ZNF438: variants seen among roughly 807,000 people sequenced by gnomAD.
ZNF438 encodes the protein zinc finger protein 438.
In ZNF438, 25 loss-of-function variants were observed where a neutral mutation model predicts 38.0. That is an observed-to-expected ratio of 0.66 (90% CI 0.48 to 0.92). The LOEUF (loss-of-function observed/expected upper bound fraction) is 0.92, where lower values mean the gene tolerates loss of function less well. ZNF438 is among the 40% of genes least tolerant of loss of function. The pLI, the probability that ZNF438 is intolerant of heterozygous loss-of-function variation, is 0.00. For missense variants in ZNF438, 1,007 were observed against 999.6 expected, an observed-to-expected ratio of 1.01 and a Z score of -0.10; for synonymous variants, 372 against 364.1, an observed-to-expected ratio of 1.02 and a Z score of -0.25.
At chr10:30,959,691 T>C (rs569012585) in intron 1 of ZNF438, among the ~76,000 whole-genome samples, 11 of 146,098 alleles carry the variant, frequency 7.5e-5, no homozygotes, top group Non-Finnish European at 1.6e-4. Flanking sequence ...GAGCTTGTAA[T>C]GAGCCGAGAT....
chr10:30,900,175 C>G (rs2041819288), intron 3 of ZNF438, among the ~76,000 whole-genome samples: 1 of 152,074 alleles, frequency 6.6e-6, no homozygotes, highest in Non-Finnish European at 1.5e-5. Flanking sequence ...TGTATGGATA[C>G]TGAAACTAAA....
At chr10:30,965,942 A>C (rs1399768187) in intron 1 of ZNF438, among the ~76,000 whole-genome samples, 1 of 152,236 alleles carries the variant, frequency 6.6e-6, no homozygotes, top group African/African-American at 2.4e-5. Flanking sequence ...ATTTTTAAAA[A>C]TACAAAGATG....
intron 3 of ZNF438, among the ~76,000 whole-genome samples, chr10:30,889,456 G>C (rs1466680817): frequency 6.6e-6 from 1 of 152,052 alleles, no homozygotes; most frequent in Admixed American, 6.5e-5. Flanking sequence ...TGTCACCCTG[G>C]ATGGAGTGGC....
chr10:30,952,149 G>A (rs958023139), intron 1 of ZNF438, among the ~76,000 whole-genome samples: 1 of 151,690 alleles, frequency 6.6e-6, no homozygotes, highest in Non-Finnish European at 1.5e-5. Flanking sequence ...AAGCAATGGG[G>A]AAAGGATTCC....
chr10:30,906,254 G>T (rs2042571045), intron 3 of ZNF438, among the ~76,000 whole-genome samples: 1 of 151,996 alleles, frequency 6.6e-6, no homozygotes, highest in Non-Finnish European at 1.5e-5. Context: ...GTAGTTTTTG[G>T]TGTGCAAGTC....
intron 1 of ZNF438, among the ~76,000 whole-genome samples, chr10:30,955,588 C>A (rs992539233): frequency 6.6e-6 from 1 of 152,180 alleles, no homozygotes; most frequent in Non-Finnish European, 1.5e-5. Flanking sequence ...TGCCCAGGCA[C>A]CCTGTATATA....
At chr10:30,928,301 T>C (rs2045206388) in intron 2 of ZNF438, among the ~76,000 whole-genome samples, 1 of 152,182 alleles carries the variant, frequency 6.6e-6, no homozygotes, top group South Asian at 2.1e-4. Context: ...AAAATAATAT[T>C]TTTTCTAGTA....
At chr10:30,941,102 C>T (rs897039265) in intron 2 of ZNF438, among the ~76,000 whole-genome samples, 10 of 122,582 alleles carry the variant, frequency 8.2e-5, no homozygotes, top group African/African-American at 2.6e-4. Context: ...CATGGAGTCT[C>T]GTTCTGTTGC....
intron 1 of ZNF438, among the ~76,000 whole-genome samples, chr10:31,002,300 G>A (rs1236731283): frequency 6.6e-6 from 1 of 152,114 alleles, no homozygotes; most frequent in East Asian, 1.9e-4. Flanking sequence ...GTTTACTTAT[G>A]TATTAAAACT....
At chr10:30,954,795 G>A (rs1480532575) in intron 1 of ZNF438, among the ~76,000 whole-genome samples, 1 of 152,122 alleles carries the variant, frequency 6.6e-6, no homozygotes, top group Non-Finnish European at 1.5e-5. Flanking sequence ...CACTGAAAGG[G>A]ACAGAGATAG....
intron 4 of ZNF438, among the ~76,000 whole-genome samples, chr10:30,851,229 G>A (rs184620057): frequency 1.8e-4 from 27 of 152,280 alleles, no homozygotes; most frequent in African/African-American, 5.3e-4. Flanking sequence ...TGACTGATAG[G>A]GTAACACTTC....
At chr10:30,886,034 T>C (rs1044094075) in intron 3 of ZNF438, among the ~76,000 whole-genome samples, 1 of 152,156 alleles carries the variant, frequency 6.6e-6, no homozygotes, top group Non-Finnish European at 1.5e-5. Context: ...AAGAAAGAGC[T>C]TTCTCATGAT....
At chr10:31,001,740 C>A (rs1032247039) in intron 1 of ZNF438, among the ~76,000 whole-genome samples, 3 of 152,128 alleles carry the variant, frequency 2.0e-5, no homozygotes, top group African/African-American at 7.2e-5. Context: ...TTCCATCACC[C>A]TAACATATTG....
intron 1 of ZNF438, among the ~76,000 whole-genome samples, chr10:30,986,834 T>A (rs1313592786): frequency 6.6e-6 from 1 of 152,176 alleles, no homozygotes; most frequent in Non-Finnish European, 1.5e-5. Flanking sequence ...ATGCTCAATC[T>A]GTAGTAAGCA....
At chr10:30,855,427 GA>G in intron 4 of ZNF438, among the ~76,000 whole-genome samples, 1 of 152,324 alleles carries the variant, frequency 6.6e-6, no homozygotes, top group South Asian at 2.1e-4. Context: ...TTTGTGGGGT[GA>G]AAAGATAAGG....
intron 1 of ZNF438, among the ~76,000 whole-genome samples, chr10:30,944,388 T>G (rs1305005045): frequency 6.6e-6 from 1 of 152,204 alleles, no homozygotes; most frequent in Non-Finnish European, 1.5e-5. Flanking sequence ...TAAGTCTACT[T>G]CTTAAAGAGT....
At chr10:31,001,095 G>A (rs996200647) in intron 1 of ZNF438, among the ~76,000 whole-genome samples, 16 of 152,020 alleles carry the variant, frequency 1.1e-4, no homozygotes, top group Non-Finnish European at 2.2e-4. Context: ...ATTACAACAC[G>A]ATTACAACAC....
chr10:30,953,632 A>G (rs551459593), intron 1 of ZNF438, among the ~76,000 whole-genome samples: 1 of 138,284 alleles, frequency 7.2e-6, no homozygotes, highest in East Asian at 2.0e-4. Context: ...AACTTAAAAT[A>G]TAATAATAAA....
intron 3 of ZNF438, among the ~76,000 whole-genome samples, chr10:30,878,332 A>G (rs1487320036): frequency 1.3e-5 from 2 of 152,172 alleles, no homozygotes; most frequent in Non-Finnish European, 2.9e-5. Flanking sequence ...ACTGGAGAGA[A>G]GCAACTTGAC....
Sources: allele counts gnomAD v4.1 joint callset (sites outside exome capture counted in the v4.1 genomes callset), GRCh38; gene constraint gnomAD v4.1.1; transcripts MANE v1.5; gene names NCBI Gene and HGNC (gene_info 2026-07-23, HGNC 2026-07-21).